The following SLC12A8 variants were observed in gnomAD, a reference collection of about 807,000 sequenced individuals.
SLC12A8 encodes the protein solute carrier family 12 member 8.
In SLC12A8, 69 loss-of-function variants were observed where a neutral mutation model predicts 75.6. The ratio of observed to expected loss-of-function variants is 0.91; its 90% confidence interval spans 0.75 to 1.11. The LOEUF is 1.11. Among genes scored for constraint, SLC12A8 ranks in the 50% most tolerant of loss-of-function variants. The pLI, the probability that SLC12A8 is intolerant of heterozygous loss-of-function variation, is 0.00. For missense variants in SLC12A8, 877 were observed against 896.7 expected, an observed-to-expected ratio of 0.98 and a Z score of 0.28; for synonymous variants, 365 against 372.8, an observed-to-expected ratio of 0.98 and a Z score of 0.24.
chr3:125,135,876 A>C, intron 5 of SLC12A8, 94 bp from the exon 6 acceptor site: 2 of 699,322 alleles, frequency 2.9e-6, no homozygotes, highest in African/African-American at 1.8e-5. Flanking sequence ...ATCGCTTTAA[A>C]TATTGGAAAG....
At chr3:125,172,348 G>A (rs1346454103) in intron 5 of SLC12A8, among the ~76,000 whole-genome samples, 1 of 150,630 alleles carries the variant, frequency 6.6e-6, no homozygotes, top group Admixed American at 6.6e-5. Flanking sequence ...CTCCCTGTCT[G>A]TCTCTCTCTG....
At chr3:125,209,613 G>A (rs1935296532) in intron 2 of SLC12A8, among the ~76,000 whole-genome samples, 1 of 152,182 alleles carries the variant, frequency 6.6e-6, no homozygotes, top group South Asian at 2.1e-4. Context: ...AGGTATTGGG[G>A]ATACAAAAAT....
At chr3:125,084,250 A>AG (rs1938402470) in intron 13 of SLC12A8, among the ~76,000 whole-genome samples, 198 bp from the exon 14 acceptor site, 2 of 151,372 alleles carry the variant, frequency 1.3e-5, no homozygotes, top group Non-Finnish European at 2.9e-5. Context: ...ATAAAATAAA[A>AG]AGAGACAGAG....
chr3:125,092,285 C>T, intron 10 of SLC12A8, 87 bp from the exon 11 acceptor site: 1 of 859,262 alleles, frequency 1.2e-6, no homozygotes, highest in South Asian at 1.5e-5. Context: ...CTCCTCTTCC[C>T]CAATTTTGTA....
At chr3:125,208,144 A>C (rs895933799) in intron 2 of SLC12A8, among the ~76,000 whole-genome samples, 17 of 152,216 alleles carry the variant, frequency 1.1e-4, no homozygotes, top group African/African-American at 3.6e-4. Flanking sequence ...AGGCCCCTGG[A>C]ACAAGGCTTG....
Position 125,134,547 on chromosome 3 carries a change from T to C in SLC12A8, c.736+1122A>G, listed in dbSNP as rs144499205. 5.7e-3 allele frequency among the ~76,000 whole-genome samples: 861 copies of C among 152,350 alleles called. 5 individuals carry two copies. The highest frequency in any genetic ancestry group is 0.02 in the African/African-American group (822 of 41,580). On this transcript the variant is annotated intron_variant, in intron 6 of 13. Coordinates refer to ENST00000469902, the MANE Select transcript of SLC12A8 (RefSeq NM_024628.6). ...AATTTAAGCTGCTTGGAAGTTCATGTACAAATCTTCATATGAACACAGGCT... is the reference window on the plus strand; with the variant it reads ...AATTTAAGCTGCTTGGAAGTTCATGCACAAATCTTCATATGAACACAGGCT...
Position 125,107,462 on chromosome 3 carries a change from G to T in SLC12A8, c.1705+19C>A. On this transcript the variant is annotated intron_variant, in intron 10 of 13. Transcript: ENST00000469902. ...TCATCCCCAAATAAGAGGCCCCAGT[G>T]TGATACCAGAGCACTCACCTTCTCC... 6.3e-7 allele frequency: 1 copy of T among 1,589,248 alleles called. No individual in the cohort carries two copies. The highest frequency in any genetic ancestry group is 8.6e-7 in the Non-Finnish European group (1 of 1,162,918).
Position 125,107,510 on chromosome 3 carries a change from A to G in SLC12A8, c.1676T>C (p.Leu559Pro). The change falls in exon 10 of 14, where the codon CTG (leucine) becomes CCG (proline). Residue 559 changes from leucine (L) to proline (P), a missense_variant. Transcript: ENST00000469902. ...GTYGEQLVPE[L>P]CNQSESSGED... The stretch of plus-strand genomic sequence containing the variant: ...TCCACTGGACTCTGATTGGTTGCAC[A>G]GCTCAGGAACAAGTTGCTCTCCATA... 6.2e-7 allele frequency: 1 copy of G among 1,611,680 alleles called. No homozygotes were observed. Among genetic ancestry groups the G allele is most frequent in the East Asian group, 2.2e-5 (1 of 44,786 alleles).
At position 125,118,883 on chromosome 3, in the gene SLC12A8, C is replaced by G. The variant is rs956621414; in HGVS notation, c.825-27G>C. On this transcript the variant is annotated intron_variant, in intron 7 of 13. Coordinates refer to ENST00000469902, the MANE Select transcript of SLC12A8 (RefSeq NM_024628.6). Reference sequence around the variant, plus strand: ...TGCAAAACCCAAGAGCAGAACAGAGCTGCCCCCGACTCACCTCACCCAGCC... The same window carrying G: ...TGCAAAACCCAAGAGCAGAACAGAGGTGCCCCCGACTCACCTCACCCAGCC... 4 of 1,495,640 alleles carry G rather than the reference C, an allele frequency of 2.7e-6. 1 individual carries two copies. In the South Asian group the frequency reaches 4.5e-5, roughly 17 times the overall value. 92.6% of individuals were successfully genotyped at this position (1,495,640 alleles called of 1,614,324 possible). A position where few individuals can be genotyped will look rare whatever the true frequency, so the allele number is the denominator to read the frequency against.
chr3:125,103,761 T>C (rs1257167106), intron 10 of SLC12A8, among the ~76,000 whole-genome samples: 4 of 152,086 alleles, frequency 2.6e-5, no homozygotes. Flanking sequence ...GCCTCCCAAG[T>C]AGCTGAGACT....
intron 2 of SLC12A8, among the ~76,000 whole-genome samples, chr3:125,197,919 T>C (rs1172377572): frequency 1.3e-5 from 2 of 152,228 alleles, no homozygotes; most frequent in East Asian, 3.8e-4. Flanking sequence ...GGTATTTCTA[T>C]AGTCTCAAAG....
At chr3:125,175,754 A>AG (rs1180178503) in intron 5 of SLC12A8, among the ~76,000 whole-genome samples, 2 of 33,486 alleles carry the variant, frequency 6.0e-5, no homozygotes, top group Non-Finnish European at 1.2e-4. Flanking sequence ...GTACATGGCC[A>AG]GGAAAAAAAA....
chr3:125,196,027 G>T (rs1287401262), intron 2 of SLC12A8, among the ~76,000 whole-genome samples: 2 of 152,154 alleles, frequency 1.3e-5, no homozygotes. Context: ...GCTGCAAAAA[G>T]GTTATCATTC....
intron 7 of SLC12A8, among the ~76,000 whole-genome samples, chr3:125,119,405 A>G (rs1402019815): frequency 6.6e-6 from 1 of 152,204 alleles, no homozygotes; most frequent in Non-Finnish European, 1.5e-5. Context: ...TTTGGATCAG[A>G]TAATAAAGAG....
At chr3:125,131,003 G>A (rs1351297131) in intron 6 of SLC12A8, among the ~76,000 whole-genome samples, 3 of 152,246 alleles carry the variant, frequency 2.0e-5, no homozygotes, top group Non-Finnish European at 4.4e-5. Flanking sequence ...ACTCAGTGGG[G>A]ACACTGCCAG....
At chr3:125,158,337 C>T (rs939104437) in intron 5 of SLC12A8, among the ~76,000 whole-genome samples, 3 of 152,138 alleles carry the variant, frequency 2.0e-5, no homozygotes, top group Non-Finnish European at 4.4e-5. Context: ...TCTCCTGCCT[C>T]AGCCTCCCGA....
At chr3:125,188,404 G>T (rs1254212897) in intron 3 of SLC12A8, among the ~76,000 whole-genome samples, 4 of 152,104 alleles carry the variant, frequency 2.6e-5, no homozygotes. Flanking sequence ...AATGTAACAT[G>T]GACTAATACG....
At chr3:125,137,072 G>A (rs1267021989) in intron 5 of SLC12A8, among the ~76,000 whole-genome samples, 4 of 152,106 alleles carry the variant, frequency 2.6e-5, no homozygotes, top group African/African-American at 9.7e-5. Context: ...GGGTTTCAGG[G>A]ACAGAATTTC....
At chr3:125,152,780 A>G (rs1161122051) in intron 5 of SLC12A8, among the ~76,000 whole-genome samples, 2 of 152,226 alleles carry the variant, frequency 1.3e-5, no homozygotes, top group African/African-American at 4.8e-5. Context: ...CCACAGCCAC[A>G]CGGCTAACAA....
Sources: allele counts gnomAD v4.1 joint callset (sites outside exome capture counted in the v4.1 genomes callset), GRCh38; gene constraint gnomAD v4.1.1; transcripts MANE v1.5; gene names NCBI Gene and HGNC (gene_info 2026-07-23, HGNC 2026-07-21).